The following BCL6 variants were observed in gnomAD, a reference collection of about 807,000 sequenced individuals.
BCL6 encodes the protein BCL6 transcription repressor.
In BCL6, 7 loss-of-function variants were observed where a neutral mutation model predicts 59.5. The ratio of observed to expected loss-of-function variants is 0.12; its 90% CI spans 0.07 to 0.22. The LOEUF is 0.22. Among genes scored for constraint, BCL6 ranks in the 10% least tolerant of loss-of-function variants. The pLI is 1.00. For missense variants in BCL6, 685 were observed against 939.4 expected (o/e 0.73, Z 3.54); for synonymous variants, 339 against 349.7 (o/e 0.97, Z 0.34).
At position 187,729,533 on chromosome 3, in the gene BCL6, G is replaced by T; in HGVS notation, c.872C>A (p.Ala291Asp). ...GGCCTTGTCACAAGGGAAGTAGGGG[G>T]CATTTCGGGCTGAGGGGGCAGCAGG... ...LKPAAPSARN[A>D]PYFPCDKASK... The change falls in exon 5 of 10, where the codon GCC (alanine) becomes GAC (aspartate). Residue 291 changes from alanine (A) to aspartate (D), a missense_variant. Ala to Asp is a moderately radical substitution (Grantham distance 126). Transcript: ENST00000406870. The surrounding 1 kb of genome is among the most constrained non-coding windows in gnomAD (Gnocchi z 5.6). 6.2e-7 allele frequency: 1 copy of T among 1,613,784 alleles called. No individual in the cohort carries two copies.
chr3:187,729,914 T>A lies in BCL6; in HGVS notation c.491A>T (p.Glu164Val). 6.2e-7 allele frequency: 1 copy of A among 1,614,080 alleles called. No homozygotes were observed. The highest frequency in any genetic ancestry group is 8.5e-7 in the Non-Finnish European group (1 of 1,180,004). Residue 164 changes from glutamate to valine, a missense_variant, in exon 5 of 10, where the codon GAG (glutamate) becomes GTG (valine). Physicochemically the swap from Glu to Val is moderately radical, Grantham distance 121 (BLOSUM62 -2). Coordinates refer to ENST00000406870, the MANE Select transcript of BCL6 (RefSeq NM_001706.5). This position sits in a 1 kb window ranked among gnomAD's most constrained non-coding sequence, Gnocchi z 5.6. ...GGCGCTCCTCAGTGGCAGGTTGTTCTCCACCACCTCACGACCCCGATAGGC... is the reference window on the plus strand; with the variant it reads ...GGCGCTCCTCAGTGGCAGGTTGTTCACCACCACCTCACGACCCCGATAGGC... ...IMAYRGREVVENNLPLRSAPG... is the reference protein window; with the variant it reads ...IMAYRGREVVVNNLPLRSAPG...
Position 187,728,493 on chromosome 3 carries a change from G to A in BCL6, c.1407C>T (p.Tyr469=). 6.2e-7 allele frequency: 1 copy of A among 1,611,568 alleles called. No homozygotes were observed. The highest frequency in any genetic ancestry group is 8.5e-7 in the Non-Finnish European group (1 of 1,179,602). ...RSSSESHSPL[Y]MHPPKCTSCG... Reference sequence around the variant, plus strand: ...AGGACGTGCACTTCGGGGGGTGCATGTAGAGTGGTGAGTGGCTCTCGCTGC... The same window carrying A: ...AGGACGTGCACTTCGGGGGGTGCATATAGAGTGGTGAGTGGCTCTCGCTGC... The change falls in exon 6 of 10, where the codon TAC becomes TAT. Residue 469 remains tyrosine (Y), a synonymous_variant. Coordinates refer to ENST00000406870, the MANE Select transcript of BCL6 (RefSeq NM_001706.5).
In BCL6 at chr3:187,729,706, A is replaced by G. The variant is rs758382691; in HGVS notation, c.699T>C (p.Asp233=). 3.1e-6 allele frequency: 5 copies of G among 1,614,000 alleles called. No homozygotes were observed. Among genetic ancestry groups the G allele is most frequent in the East Asian group, 2.2e-5 (1 of 44,878 alleles). ...ACTCACCAGGGACTGGCCTGGCACTATCACATGGGAGTGCCCGCTCCTTGG... is the reference window on the plus strand; with the variant it reads ...ACTCACCAGGGACTGGCCTGGCACTGTCACATGGGAGTGCCCGCTCCTTGG... ...PFPKERALPC[D]SARPVPGEYS... is the part of the protein sequence containing the mutation. The change falls in exon 5 of 10, where the codon GAT becomes GAC. Residue 233 remains aspartate (D), a synonymous_variant. Coordinates refer to ENST00000406870, the MANE Select transcript of BCL6 (RefSeq NM_001706.5). This position sits in a 1 kb window ranked among gnomAD's most constrained non-coding sequence, Gnocchi z 5.6.
intron 3 of BCL6, among the ~76,000 whole-genome samples, chr3:187,732,886 A>G (rs930201631): frequency 6.6e-6 from 1 of 152,230 alleles, no homozygotes; most frequent in African/African-American, 2.4e-5. Flanking sequence ...TCAAATAGCA[A>G]TAGAGATCCC....
chr3:187,723,207 A>G (rs994519452), intron 9 of BCL6, among the ~76,000 whole-genome samples: 1 of 152,228 alleles, frequency 6.6e-6, no homozygotes, highest in Non-Finnish European at 1.5e-5. Context: ...AAATGCAGTT[A>G]TATTCTTTCC....
chr3:187,733,612 G>A lies in BCL6; in HGVS notation c.82C>T (p.Arg28Ter), dbSNP rs11545363. ...ATGACAACATCAGTCAAGATGTCTCGACTCCGGAGACGATTAAGGTTGAGA... is the reference window on the plus strand; with the variant it reads ...ATGACAACATCAGTCAAGATGTCTCAACTCCGGAGACGATTAAGGTTGAGA... Reference protein sequence around the residue: ...VLLNLNRLRSRDILTDVVIVV... With the variant: ...VLLNLNRLRS The change falls in exon 3 of 10, where the codon CGA becomes TGA. Residue 28 changes from arginine (R) to a stop codon, truncating the protein, a stop_gained. Transcript: ENST00000406870. LOFTEE classifies it high-confidence loss of function. 1.2e-6 allele frequency: 2 copies of A among 1,613,872 alleles called. No homozygotes were observed. The highest frequency in any genetic ancestry group is 8.5e-7 in the Non-Finnish European group (1 of 1,179,952).
At position 187,737,381 on chromosome 3, in the gene BCL6, G is replaced by GAGAGAGAA. The variant is rs1553841129; in HGVS notation, c.-49-2475_-49-2474insTTCTCTCT. 86 of 125,410 alleles carry GAGAGAGAA rather than the reference G, an allele frequency of 6.9e-4. 2 individuals carry two copies. The highest frequency in any genetic ancestry group is 2.9e-3 in the African/African-American group (74 of 25,746). 7.8% of individuals were successfully genotyped at this position (125,410 alleles called of 1,614,324 possible). On this transcript the variant is annotated intron_variant, in intron 1 of 9. Transcript: ENST00000406870. ...AGAGAGAGAGAGAGAGAGAGAGAGA[G>GAGAGAGAA]AGAGAGAGAGAGAGAAAATGAGAGA...
Position 187,729,401 on chromosome 3 carries a change from T to A in BCL6, c.1004A>T (p.Gln335Leu), listed in dbSNP as rs1423186282. The A allele has an allele frequency of 6.2e-7, 1 of 1,613,054 alleles. No homozygotes were observed. The highest frequency in any genetic ancestry group is 8.5e-7 in the Non-Finnish European group (1 of 1,179,556). ...RKGLVSPQSP[Q>L]KSDCQPNSPT... is the part of the protein sequence containing the mutation. ...CGAGTTGGGCTGGCAGTCAGATTTC[T>A]GGGGGCTCTGTGGACTAACCAGACC... is the stretch of plus-strand genomic sequence containing the variant. Residue 335 changes from glutamine to leucine, a missense_variant, in exon 5 of 10, where the codon CAG becomes CTG. This residue lies in a region of BCL6 where 28 missense variants were observed against 66.4 expected (regional missense o/e 0.42). Transcript: ENST00000406870. The surrounding 1 kb of genome is among the most constrained non-coding windows in gnomAD (Gnocchi z 5.6).
In BCL6 at chr3:187,721,970, ATATT is replaced by A; in HGVS notation, c.*484_*487del. 3 of 182,898 alleles carry A rather than the reference ATATT, an allele frequency of 1.6e-5. No individual in the cohort carries two copies. The highest frequency in any genetic ancestry group is 1.1e-5 in the Non-Finnish European group (1 of 88,542). 11.3% of individuals were successfully genotyped at this position (182,898 alleles called of 1,614,324 possible). On this transcript the variant is annotated 3_prime_UTR_variant, in exon 10 of 10. Transcript: ENST00000406870. The surrounding 1 kb of genome is among the most constrained non-coding windows in gnomAD (Gnocchi z 4.2). ...ATATATATTTATTTTATATATATAT[ATATT>A]TATATATTTACAACTCTGCCATATA...
At chr3:187,727,388 T>A (rs1270859343) in intron 6 of BCL6, among the ~76,000 whole-genome samples, 2 of 152,226 alleles carry the variant, frequency 1.3e-5, no homozygotes. Flanking sequence ...TTACACAAAA[T>A]AAAACACAAA....
At chr3:187,736,418 C>T (rs1450401461) in intron 1 of BCL6, 2 of 152,230 alleles carry the variant, frequency 1.3e-5, no homozygotes, top group Non-Finnish European at 2.9e-5. Flanking sequence ...AAACTTTCCT[C>T]TCTTCCTTCA....
chr3:187,733,971 C>T (rs1209438785), intron 2 of BCL6: 1 of 460,922 alleles, frequency 2.2e-6, no homozygotes, highest in Non-Finnish European at 4.0e-6. Flanking sequence ...GTTTTTCCCA[C>T]ATACCAAATA....
At position 187,722,325 on chromosome 3, in the gene BCL6, A is replaced by ACC; in HGVS notation, c.*132_*133insGG. On this transcript the variant is annotated 3_prime_UTR_variant, in exon 10 of 10. Coordinates refer to ENST00000406870, the MANE Select transcript of BCL6 (RefSeq NM_001706.5). Reference sequence around the variant, plus strand: ...CCAGGCCCCGACCCCCACCACCCCCAACCCCCAGCTATGATTTGCACTAGT... The same window carrying ACC: ...CCAGGCCCCGACCCCCACCACCCCCACCACCCCCAGCTATGATTTGCACTAGT... 1 of 50,244 alleles carries ACC rather than the reference A, an allele frequency of 2.0e-5. No individual in the cohort carries two copies. The highest frequency in any genetic ancestry group is 2.9e-5 in the Non-Finnish European group (1 of 34,454). 3.1% of individuals were successfully genotyped at this position (50,244 alleles called of 1,614,324 possible).
intron 1 of BCL6, among the ~76,000 whole-genome samples, chr3:187,745,002 G>A (rs569038288): frequency 2.0e-5 from 3 of 151,682 alleles, no homozygotes; most frequent in Non-Finnish European, 2.9e-5. Context: ...CGTCCTCTCT[G>A]CTCCGGCCGC....
At chr3:187,727,313 G>C (rs1435861565) in intron 6 of BCL6, among the ~76,000 whole-genome samples, 5 of 152,212 alleles carry the variant, frequency 3.3e-5, no homozygotes, top group African/African-American at 1.2e-4. Flanking sequence ...GCCTCTCTCT[G>C]TATCTCTGTC....
chr3:187,722,465 G>A lies in BCL6; in HGVS notation c.2114C>T (p.Ala705Val), dbSNP rs771627344. ...GCATCAACACTCCATGCTTCAGCAG[G>A]CTTTGGGGAGCTCCGGAGGCAGGTC... The part of the protein sequence containing the change: ...ATDLPPELPK[A>V]C Residue 705 changes from alanine (A) to valine (V), a missense_variant, in exon 10 of 10, where the codon GCC becomes GTC. This residue lies in a region of BCL6 where 38 missense variants were observed against 97.9 expected (regional missense o/e 0.39). Transcript: ENST00000406870. 6.2e-7 allele frequency: 1 copy of A among 1,612,910 alleles called. No individual in the cohort carries two copies. The highest frequency in any genetic ancestry group is 8.5e-7 in the Non-Finnish European group (1 of 1,179,820).
At chr3:187,744,607 G>C (rs1389791087) in intron 1 of BCL6, among the ~76,000 whole-genome samples, 2 of 152,020 alleles carry the variant, frequency 1.3e-5, no homozygotes, top group East Asian at 1.9e-4. Flanking sequence ...CAAAGAGTTC[G>C]CTTGCATTTT....
intron 1 of BCL6, among the ~76,000 whole-genome samples, chr3:187,744,659 A>G (rs1711805279): frequency 1.3e-5 from 2 of 152,228 alleles, no homozygotes; most frequent in Admixed American, 6.5e-5. Context: ...AGGGAATCTA[A>G]AAGACCGAGG....
At chr3:187,744,981 A>T in intron 1 of BCL6, among the ~76,000 whole-genome samples, 1 of 150,284 alleles carries the variant, frequency 6.7e-6, no homozygotes, top group Admixed American at 6.6e-5. Context: ...ATCACCCCCC[A>T]AGCACTGTCT....
Sources: gnomAD v4.1 joint callset for allele counts (sites outside exome capture counted in the v4.1 genomes callset) on GRCh38, gnomAD v4.1.1 for gene constraint, gnomAD v4.1.1 regional missense constraint, Gnocchi (gnomAD v3.1) non-coding constraint, MANE v1.5 for transcripts, NCBI Gene and HGNC (gene_info 2026-07-23, HGNC 2026-07-21) for gene names.